Variants in SHLD2 observed in about 807,000 individuals in gnomAD.
SHLD2 encodes the protein shieldin complex subunit 2.
In SHLD2, 30 loss-of-function variants were observed where a neutral mutation model predicts 73.2. The ratio of observed to expected loss-of-function variants is 0.41; its 90% confidence interval spans 0.31 to 0.56. The LOEUF (loss-of-function observed/expected upper bound fraction) is 0.56. Ranked by LOEUF, SHLD2 falls within the 20% of genes least tolerant of loss-of-function variation. The pLI, the probability that SHLD2 is intolerant of heterozygous loss-of-function variation, is 0.28. For synonymous variants in SHLD2, 285 were observed against 370.1 expected (o/e 0.77, Z 2.64); for missense variants, 745 against 1,055.9 (o/e 0.71, Z 4.08).
At chr10:87,166,699 A>C (rs1322634019) in intron 4 of SHLD2, among the ~76,000 whole-genome samples, 4 of 152,204 alleles carry the variant, frequency 2.6e-5, no homozygotes, top group Admixed American at 2.0e-4. Context: ...TAAGATTTTC[A>C]TGTAATTTGA....
chr10:87,097,950 C>T (rs571593792), intron 2 of SHLD2, among the ~76,000 whole-genome samples: 149 of 151,826 alleles, frequency 9.8e-4, no homozygotes, highest in African/African-American at 3.4e-3. Flanking sequence ...TTAATAGAGA[C>T]GAAGTTCCAC....
At chr10:87,105,056 A>G (rs1337654704) in intron 2 of SHLD2, among the ~76,000 whole-genome samples, 86 of 152,186 alleles carry the variant, frequency 5.7e-4, no homozygotes, top group Non-Finnish European at 1.3e-4. Context: ...CTTTATATAT[A>G]AAGTATGGCA....
At chr10:87,147,085 A>C (rs1485853753) in intron 2 of SHLD2, among the ~76,000 whole-genome samples, 23 of 149,794 alleles carry the variant, frequency 1.5e-4, no homozygotes, top group East Asian at 3.9e-4. Flanking sequence ...AAAAAAAAAA[A>C]AAACAAAAAA....
At chr10:87,186,804 AAAT>A (rs1467457168) in intron 8 of SHLD2, among the ~76,000 whole-genome samples, 9 of 152,018 alleles carry the variant, frequency 5.9e-5, no homozygotes, top group South Asian at 4.1e-4. Context: ...TCATTTCTAA[AAAT>A]AATTTATAAA....
intron 2 of SHLD2, among the ~76,000 whole-genome samples, chr10:87,103,159 G>C (rs935128353): frequency 6.6e-6 from 1 of 150,692 alleles, no homozygotes; most frequent in Admixed American, 6.6e-5. Context: ...GTAGTGAGCC[G>C]AGATCTCACC....
chr10:87,096,752 A>C (rs1174265297), intron 1 of SHLD2, among the ~76,000 whole-genome samples, 182 bp from the exon 2 acceptor site: 1 of 152,210 alleles, frequency 6.6e-6, no homozygotes, highest in African/African-American at 2.4e-5. Flanking sequence ...TATGGAAGAG[A>C]AAGTTCTTAG....
intron 2 of SHLD2, among the ~76,000 whole-genome samples, chr10:87,138,304 CAAAG>C (rs1174697823): frequency 2.2e-5 from 3 of 133,574 alleles, no homozygotes; most frequent in Non-Finnish European, 4.9e-5. Flanking sequence ...GTCTCAAAAA[CAAAG>C]AAAGAAAAGA....
chr10:87,156,795 A>G (rs922328162), intron 3 of SHLD2, among the ~76,000 whole-genome samples: 2 of 152,194 alleles, frequency 1.3e-5, no homozygotes, highest in African/African-American at 2.4e-5. Flanking sequence ...TGAATGCTGT[A>G]CTAGCTCTTC....
Position 87,097,460 on chromosome 10 carries a change from C to T in SHLD2, c.-6+471C>T, listed in dbSNP as rs375607150. 2.6e-5 allele frequency among the ~76,000 whole-genome samples: 4 copies of T among 151,582 alleles called. No individual in the cohort carries two copies. In the East Asian group the frequency reaches 5.9e-4, roughly 22 times the overall value. On this transcript the variant is annotated intron_variant, in intron 2 of 9. Transcript: ENST00000298786. ...TACAAAAATTAGCCAGGCGTGGTGG[C>T]GGGGAGGGGGTTGGGCAGTGCTTGT...
At chr10:87,139,689 G>A (rs566203481) in intron 2 of SHLD2, among the ~76,000 whole-genome samples, 2 of 152,290 alleles carry the variant, frequency 1.3e-5, no homozygotes, top group South Asian at 4.1e-4. Context: ...TTAGCTGGGT[G>A]TGGTGGGATG....
Position 87,158,086 on chromosome 10 carries a change from G to A in SHLD2, c.1564G>A (p.Val522Ile). The A allele has an allele frequency of 6.2e-7, 1 of 1,611,502 alleles. No individual in the cohort carries two copies. The change falls in exon 4 of 10, where the codon GTA becomes ATA. Residue 522 changes from valine (V) to isoleucine (I), a missense_variant. By Grantham distance (29) the Val-to-Ile change is conservative. Coordinates refer to ENST00000298786, the MANE Select transcript of SHLD2 (RefSeq NM_001330112.2). Reference sequence around the variant, plus strand: ...TGAGGACCAATGGATTGGCGAGACAGTACTACAATCAACATTTAGCAGTCA... The same window carrying A: ...TGAGGACCAATGGATTGGCGAGACAATACTACAATCAACATTTAGCAGTCA... The part of the protein sequence containing the change: ...IHEDQWIGET[V>I]LQSTFSSQLL...
intron 4 of SHLD2, among the ~76,000 whole-genome samples, chr10:87,168,189 G>T (rs1847337544): frequency 6.6e-6 from 1 of 152,030 alleles, no homozygotes; most frequent in Admixed American, 6.6e-5. Context: ...AATATTCATT[G>T]TAGCACTATT....
intron 2 of SHLD2, among the ~76,000 whole-genome samples, chr10:87,128,806 T>C (rs187191122): frequency 2.9e-4 from 44 of 152,358 alleles, no homozygotes; most frequent in African/African-American, 1.0e-3. Flanking sequence ...TTAATATGGT[T>C]GTACTGTATT....
At chr10:87,143,350 C>A (rs1845344532) in intron 2 of SHLD2, among the ~76,000 whole-genome samples, 1 of 152,092 alleles carries the variant, frequency 6.6e-6, no homozygotes, top group Non-Finnish European at 1.5e-5. Context: ...CAAATGACAT[C>A]TGGGCTGAGA....
At chr10:87,105,393 C>A (rs932418105) in intron 2 of SHLD2, among the ~76,000 whole-genome samples, 1 of 152,098 alleles carries the variant, frequency 6.6e-6, no homozygotes, top group Non-Finnish European at 1.5e-5. Flanking sequence ...AATTATGTTG[C>A]GCTTGCTTCT....
intron 2 of SHLD2, among the ~76,000 whole-genome samples, chr10:87,102,674 A>C (rs1842343565): frequency 6.6e-6 from 1 of 151,874 alleles, no homozygotes; most frequent in Non-Finnish European, 1.5e-5. Flanking sequence ...GTGCCACTGA[A>C]CTCCAGCCTG....
chr10:87,176,983 C>G (rs1847989558), intron 7 of SHLD2, among the ~76,000 whole-genome samples: 1 of 151,680 alleles, frequency 6.6e-6, no homozygotes, highest in African/African-American at 2.4e-5. Context: ...ATAAAAATTT[C>G]ATACTATTTT....
In SHLD2 at chr10:87,144,926, G is replaced by A. The variant is rs1192940437; in HGVS notation, c.-5-6424G>A. ...ATTACAGGCGTGAGCCACTGCTCCC[G>A]GCCTGTAATTCTTTTTTTTTTTTTT... On this transcript the variant is annotated intron_variant, in intron 2 of 9. Coordinates refer to ENST00000298786, the MANE Select transcript of SHLD2 (RefSeq NM_001330112.2). Among the ~76,000 whole-genome samples, 5 of 135,692 alleles carry A rather than the reference G, an allele frequency of 3.7e-5. No homozygotes were observed. The East Asian group carries it at 7.1e-4, about 19-fold the overall frequency. 89.0% of individuals were successfully genotyped at this position (135,692 alleles called of 152,430 possible). A position where few individuals can be genotyped will look rare whatever the true frequency, so the allele number is the denominator to read the frequency against.
intron 8 of SHLD2, among the ~76,000 whole-genome samples, chr10:87,186,328 A>T (rs1848616889): frequency 6.6e-6 from 1 of 152,210 alleles, no homozygotes. Flanking sequence ...TATTTTTTAA[A>T]AATCAATGTA....
Sources: allele counts gnomAD v4.1 joint callset (sites outside exome capture counted in the v4.1 genomes callset), GRCh38; gene constraint gnomAD v4.1.1; transcripts MANE v1.5; gene names NCBI Gene and HGNC (gene_info 2026-07-23, HGNC 2026-07-21).